ZYG11A: variants seen among roughly 807,000 people sequenced by gnomAD.
ZYG11A encodes protein zyg-11 homolog A.
Under a neutral mutation model 77.2 loss-of-function variants are expected in ZYG11A, and 62 were observed. The ratio of observed to expected loss-of-function variants is 0.80; its 90% CI spans 0.65 to 0.99. The LOEUF (loss-of-function observed/expected upper bound fraction) is 0.99, where lower values mean the gene tolerates loss of function less well. ZYG11A is among the 50% of genes least tolerant of loss of function. The probability of loss-of-function intolerance (pLI) is 0.00; values close to 1 mark genes in which losing one functional copy is unlikely to be tolerated. For missense variants in ZYG11A, 828 were observed against 896.8 expected (o/e 0.92, Z 0.98); for synonymous variants, 315 against 324.6 (o/e 0.97, Z 0.32).
At chr1:52,878,893 C>G (rs918606057) in intron 10 of ZYG11A, among the ~76,000 whole-genome samples, 1 of 141,340 alleles carries the variant, frequency 7.1e-6, no homozygotes, top group African/African-American at 2.7e-5. Flanking sequence ...GAACCAAGAT[C>G]GTGCCACTGC....
At chr1:52,868,601 G>A (rs1016556184) in intron 8 of ZYG11A, among the ~76,000 whole-genome samples, 1 of 151,962 alleles carries the variant, frequency 6.6e-6, no homozygotes, top group Non-Finnish European at 1.5e-5. Context: ...ACAACGTGGT[G>A]AAACCCCGTC....
chr1:52,867,660 A>T, intron 7 of ZYG11A, 22 bp downstream of exon 7: 2 of 1,550,286 alleles, frequency 1.3e-6, no homozygotes, highest in Non-Finnish European at 8.7e-7. Flanking sequence ...CTTAAAGGCA[A>T]GATGTCTATC....
intron 1 of ZYG11A, among the ~76,000 whole-genome samples, chr1:52,850,353 C>G (rs1163219066): frequency 1.4e-5 from 2 of 147,710 alleles, no homozygotes; most frequent in Admixed American, 6.8e-5. Flanking sequence ...GAGTCTCATT[C>G]TGTTGCCCAG....
rs532188882 is a variant in ZYG11A at position 52,866,431 on chromosome 1, A to G, written c.1327-72A>G. The G allele has an allele frequency of 4.5e-6, 4 of 886,148 alleles. No individual in the cohort carries two copies. In the East Asian group the frequency reaches 1.1e-4, roughly 24 times the overall value. The allele number at this position is 886,148 out of a possible 1,614,324, so 54.9% of individuals were successfully genotyped here. A position where few individuals can be genotyped will look rare whatever the true frequency, so the allele number is the denominator to read the frequency against. Reference sequence around the variant, plus strand: ...AGAAAAGCTCACTAGTAATACTTCCAAATACATGGAATCTTTGTTTAGAAT... The same window carrying G: ...AGAAAAGCTCACTAGTAATACTTCCGAATACATGGAATCTTTGTTTAGAAT... On this transcript the variant is annotated intron_variant, in intron 5 of 13. Coordinates refer to ENST00000371528, the MANE Select transcript of ZYG11A (RefSeq NM_001004339.3).
rs1558153149 is a variant in ZYG11A at position 52,842,869 on chromosome 1, GC to G, written c.-13del. The G allele has an allele frequency of 6.5e-7, 1 of 1,527,770 alleles. No individual in the cohort carries two copies. Among genetic ancestry groups the G allele is most frequent in the Non-Finnish European group, 8.8e-7 (1 of 1,137,140 alleles). 94.6% of individuals were successfully genotyped at this position (1,527,770 alleles called of 1,614,324 possible). A position where few individuals can be genotyped will look rare whatever the true frequency, so the allele number is the denominator to read the frequency against. On this transcript the variant is annotated 5_prime_UTR_variant, in exon 1 of 14. Coordinates refer to ENST00000371528, the MANE Select transcript of ZYG11A (RefSeq NM_001004339.3). ...ACGCCGGCTCTCTTTTTGACGCCCC[GC>G]CGCCGGGGTTGCCATGGTTCATTTC...
rs146236822 is a variant in ZYG11A at position 52,874,005 on chromosome 1, A to T, written c.1543-3677A>T. The stretch of plus-strand genomic sequence containing the variant: ...GTCTCAAAAAAAAAAATAAATAAAT[A>T]AAATAAAAAGAGAACGAAGTTCTTT... On this transcript the variant is annotated intron_variant, in intron 8 of 13. Transcript: ENST00000371528. Among the ~76,000 whole-genome samples the T allele has an allele frequency of 3.4e-3, 512 of 151,888 alleles. 11 individuals are homozygous for T. The highest frequency in any genetic ancestry group is 0.027 in the Admixed American group (407 of 15,262).
intron 1 of ZYG11A, among the ~76,000 whole-genome samples, chr1:52,847,567 C>T (rs184451075): frequency 6.6e-6 from 1 of 151,366 alleles, no homozygotes; most frequent in Non-Finnish European, 1.5e-5. Context: ...TATGAGCTGG[C>T]GACAAGTTGT....
In ZYG11A at chr1:52,885,403, A is replaced by G. The variant is rs531976119; in HGVS notation, c.1945-430A>G. On this transcript the variant is annotated intron_variant, in intron 11 of 13. Transcript: ENST00000371528. ...GTATTTTTAGTAGAAACGGGGTTTCACCGTGTTAGCCAGGTTGGTCTCGAT... is the reference window on the plus strand; with the variant it reads ...GTATTTTTAGTAGAAACGGGGTTTCGCCGTGTTAGCCAGGTTGGTCTCGAT... Among the ~76,000 whole-genome samples, 6 of 146,740 alleles carry G rather than the reference A, an allele frequency of 4.1e-5. No homozygotes were observed. The South Asian group carries it at 1.3e-3, about 31-fold the overall frequency.
At chr1:52,872,264 G>A (rs1192248909) in intron 8 of ZYG11A, among the ~76,000 whole-genome samples, 1 of 152,092 alleles carries the variant, frequency 6.6e-6, no homozygotes, top group Non-Finnish European at 1.5e-5. Flanking sequence ...ACCATGCCCA[G>A]CTAATTTTTT....
intron 11 of ZYG11A, among the ~76,000 whole-genome samples, chr1:52,885,034 G>T (rs1393040204): frequency 6.6e-6 from 1 of 151,964 alleles, no homozygotes; most frequent in African/African-American, 2.4e-5. Context: ...TCAGTCTCCT[G>T]AGTAGCTGGG....
intron 5 of ZYG11A, 59 bp from the exon 6 acceptor site, chr1:52,866,444 C>A: frequency 2.0e-6 from 2 of 980,626 alleles, no homozygotes; most frequent in Non-Finnish European, 3.1e-6. Flanking sequence ...TACATGGAAT[C>A]TTTGTTTAGA....
chr1:52,886,024 C>T (rs776490421), intron 12 of ZYG11A, 130 bp downstream of exon 12: 11 of 622,520 alleles, frequency 1.8e-5, no homozygotes, highest in Admixed American at 3.7e-5. Flanking sequence ...GCTCCACCTC[C>T]CGGGTTCACG....
chr1:52,883,869 A>G (rs1646402243), intron 11 of ZYG11A, among the ~76,000 whole-genome samples: 1 of 151,712 alleles, frequency 6.6e-6, no homozygotes, highest in African/African-American at 2.4e-5. Context: ...TAAGAGTGGG[A>G]CTGATTGAAA....
At chr1:52,867,957 T>C (rs1367733761) in intron 8 of ZYG11A, among the ~76,000 whole-genome samples, 180 bp downstream of exon 8, 1 of 139,592 alleles carries the variant, frequency 7.2e-6, no homozygotes, top group African/African-American at 2.7e-5. Flanking sequence ...CCTCCACATT[T>C]CTTTTTTTTT....
chr1:52,881,234 T>C (rs1571876351), intron 10 of ZYG11A: 4 of 307,990 alleles, frequency 1.3e-5, no homozygotes, highest in Non-Finnish European at 2.4e-5. Context: ...AAGACAATTT[T>C]ATTTATCTAG....
chr1:52,892,354 C>T (rs1372636005), intron 13 of ZYG11A, among the ~76,000 whole-genome samples: 4 of 149,808 alleles, frequency 2.7e-5, no homozygotes, highest in South Asian at 2.1e-4. Flanking sequence ...GGTGAAACTC[C>T]GTCTCTACTA....
chr1:52,887,664 T>G (rs1024297421), intron 13 of ZYG11A, among the ~76,000 whole-genome samples: 11 of 151,762 alleles, frequency 7.2e-5, no homozygotes, highest in African/African-American at 2.7e-4. Context: ...AGGAGATCGC[T>G]TGAGGCCAGG....
At chr1:52,846,232 G>C (rs538976130) in intron 1 of ZYG11A, among the ~76,000 whole-genome samples, 1 of 148,716 alleles carries the variant, frequency 6.7e-6, no homozygotes, top group East Asian at 2.0e-4. Flanking sequence ...AATGAAATTT[G>C]CAAAAATGTA....
chr1:52,847,562 G>A (rs1645615000), intron 1 of ZYG11A, among the ~76,000 whole-genome samples: 1 of 151,344 alleles, frequency 6.6e-6, no homozygotes, highest in Non-Finnish European at 1.5e-5. Context: ...TAGCATATGA[G>A]CTGGCGACAA....
Sources: allele counts gnomAD v4.1 joint callset (sites outside exome capture counted in the v4.1 genomes callset), GRCh38; gene constraint gnomAD v4.1.1; transcripts MANE v1.5; gene names NCBI Gene and HGNC (gene_info 2026-07-23, HGNC 2026-07-21).